Variants in PIP5K1B observed in about 807,000 individuals in gnomAD.
The protein encoded by PIP5K1B is phosphatidylinositol 4-phosphate 5-kinase type-1 beta.
Under a neutral mutation model 67.0 loss-of-function variants are expected in PIP5K1B, and 42 were observed. That is an observed-to-expected ratio of 0.63 (90% CI 0.49 to 0.81). The LOEUF is 0.81. Among genes scored for constraint, PIP5K1B ranks in the 30% least tolerant of loss-of-function variants. The pLI is 0.00. For synonymous variants in PIP5K1B, 214 were observed against 231.4 expected (o/e 0.92, Z 0.68); for missense variants, 459 against 646.3 (o/e 0.71, Z 3.14).
chr9:68,753,515 C>CTTTTTTTTTTTTTTT lies in PIP5K1B; in HGVS notation c.-86+10871_-86+10885dup, dbSNP rs71500334. On this transcript the variant is annotated intron_variant, in intron 2 of 15. Transcript: ENST00000265382. ...CCACCATGCCCGGCTAATTTTGTTT[C>CTTTTTTTTTTTTTTT]TTTTTTTTTTTTTTTTTTTTTTTTT... Among the ~76,000 whole-genome samples, 3 of 38,282 alleles carry CTTTTTTTTTTTTTTT rather than the reference C, an allele frequency of 7.8e-5. 1 individual carries two copies. Among genetic ancestry groups the CTTTTTTTTTTTTTTT allele is most frequent in the African/African-American group, 1.2e-4 (1 of 8,548 alleles). 25.1% of individuals were successfully genotyped at this position (38,282 alleles called of 152,430 possible).
At chr9:68,937,645 A>G (rs77690019) in intron 13 of PIP5K1B, among the ~76,000 whole-genome samples, 9 of 152,178 alleles carry the variant, frequency 5.9e-5, no homozygotes, top group African/African-American at 2.2e-4. Context: ...GTCTTCCGCT[A>G]GATTTTGAAT....
chr9:68,993,221 G>T (rs886430334), intron 15 of PIP5K1B, among the ~76,000 whole-genome samples: 2 of 151,068 alleles, frequency 1.3e-5, no homozygotes, highest in Non-Finnish European at 2.9e-5. Context: ...TCTCCGACCT[G>T]CCCCCTCCCT....
intron 6 of PIP5K1B, among the ~76,000 whole-genome samples, chr9:68,882,998 G>T (rs1824276350): frequency 6.6e-6 from 1 of 152,170 alleles, no homozygotes; most frequent in South Asian, 2.1e-4. Flanking sequence ...TAGGCCGTGT[G>T]CTTCTCTCAC....
chr9:68,780,956 C>T, intron 2 of PIP5K1B: 1 of 1,614,196 alleles, frequency 6.2e-7, no homozygotes, highest in South Asian at 1.1e-5. Context: ...TCAGCACTAC[C>T]ACCGACTCTC....
chr9:68,918,317 T>C (rs912560421), intron 9 of PIP5K1B, among the ~76,000 whole-genome samples: 1 of 152,188 alleles, frequency 6.6e-6, no homozygotes, highest in Non-Finnish European at 1.5e-5. Context: ...CTCAAACTCC[T>C]GGCCTCATGT....
chr9:68,769,526 A>G (rs1285141365), intron 2 of PIP5K1B, among the ~76,000 whole-genome samples: 1 of 152,232 alleles, frequency 6.6e-6, no homozygotes, highest in African/African-American at 2.4e-5. Context: ...CTGAAAGTAT[A>G]ACTAGCTATT....
At chr9:68,765,617 T>C (rs1407041308) in intron 2 of PIP5K1B, among the ~76,000 whole-genome samples, 1 of 152,148 alleles carries the variant, frequency 6.6e-6, no homozygotes, top group African/African-American at 2.4e-5. Flanking sequence ...ATTATGGCTA[T>C]TTTGTGTTTA....
chr9:68,819,857 A>G (rs1169065280), intron 3 of PIP5K1B, among the ~76,000 whole-genome samples: 1 of 152,184 alleles, frequency 6.6e-6, no homozygotes, highest in African/African-American at 2.4e-5. Context: ...TTGAATCCAG[A>G]TGATAGTTCA....
intron 14 of PIP5K1B, among the ~76,000 whole-genome samples, chr9:68,942,884 T>C (rs149015268): frequency 3.0e-4 from 45 of 152,304 alleles, no homozygotes; most frequent in African/African-American, 1.1e-3. Context: ...GAAAGGAATT[T>C]AATCTAGGGA....
At chr9:68,894,753 T>A in intron 8 of PIP5K1B, 115 bp downstream of exon 8, 1 of 949,118 alleles carries the variant, frequency 1.1e-6, no homozygotes. Context: ...ACATGTGGAA[T>A]CCTATCTTTC....
chr9:69,004,338 TGTGTG>T (rs1340604227), intron 15 of PIP5K1B, among the ~76,000 whole-genome samples: 3 of 31,036 alleles, frequency 9.7e-5, no homozygotes, highest in Non-Finnish European at 1.8e-4. Context: ...TGTGTGTTTT[TGTGTG>T]TGTGTGTGTG....
chr9:68,897,200 G>T (rs1183206131), intron 8 of PIP5K1B, among the ~76,000 whole-genome samples: 1 of 152,166 alleles, frequency 6.6e-6, no homozygotes, highest in South Asian at 2.1e-4. Flanking sequence ...AGACAGTATG[G>T]CTAAGGCTCT....
intron 2 of PIP5K1B, among the ~76,000 whole-genome samples, chr9:68,765,167 G>A (rs72717918): frequency 0.012 from 1,755 of 152,010 alleles, 16 homozygotes; most frequent in Non-Finnish European, 0.018. Context: ...TTCATAATGG[G>A]TGCTTATTTA....
intron 4 of PIP5K1B, among the ~76,000 whole-genome samples, chr9:68,835,951 A>G (rs1261132765): frequency 2.0e-5 from 3 of 152,086 alleles, no homozygotes; most frequent in Admixed American, 6.6e-5. Flanking sequence ...TTGGGCTTCA[A>G]GAACCCTTTT....
At chr9:68,791,554 T>C (rs901413357) in intron 2 of PIP5K1B, among the ~76,000 whole-genome samples, 1 of 152,214 alleles carries the variant, frequency 6.6e-6, no homozygotes, top group Non-Finnish European at 1.5e-5. Flanking sequence ...CTCTTTCCCT[T>C]GATGCTCTCT....
intron 14 of PIP5K1B, among the ~76,000 whole-genome samples, chr9:68,955,606 C>T (rs1047556615): frequency 6.6e-6 from 1 of 152,214 alleles, no homozygotes; most frequent in African/African-American, 2.4e-5. Flanking sequence ...GAATACACAG[C>T]TCTCAGATGT....
Position 68,705,598 on chromosome 9 carries a change from G to GGCCCCGCCCGCCGCCCCCTCCGCCCTCCC in PIP5K1B, c.-401_-373dup, listed in dbSNP as rs1452090749. 2 of 25,610 alleles carry GGCCCCGCCCGCCGCCCCCTCCGCCCTCCC rather than the reference G, an allele frequency of 7.8e-5. No homozygotes were observed. Among genetic ancestry groups the GGCCCCGCCCGCCGCCCCCTCCGCCCTCCC allele is most frequent in the Non-Finnish European group, 1.6e-4 (2 of 12,796 alleles). The allele number at this position is 25,610 out of a possible 1,614,324, so 1.6% of individuals were successfully genotyped here. ...CGCCCTCAGCGTTGCCCCCGGCCCC[G>GGCCCCGCCCGCCGCCCCCTCCGCCCTCCC]GCCCCGCCCGCCGCCCCCTCCGCCC... On this transcript the variant is annotated 5_prime_UTR_variant, in exon 1 of 16. Transcript: ENST00000265382.
At chr9:68,747,969 C>T (rs1289203603) in intron 2 of PIP5K1B, among the ~76,000 whole-genome samples, 1 of 152,150 alleles carries the variant, frequency 6.6e-6, no homozygotes, top group South Asian at 2.1e-4. Context: ...GAGGTGAACA[C>T]TACCTCTATC....
intron 2 of PIP5K1B, among the ~76,000 whole-genome samples, chr9:68,790,120 A>G (rs1026901793): frequency 1.3e-5 from 2 of 152,154 alleles, no homozygotes; most frequent in Non-Finnish European, 2.9e-5. Context: ...GCATTTTTTT[A>G]AAGGAAAAAT....
Sources: allele counts gnomAD v4.1 joint callset (sites outside exome capture counted in the v4.1 genomes callset), GRCh38; gene constraint gnomAD v4.1.1; transcripts MANE v1.5; gene names NCBI Gene and HGNC (gene_info 2026-07-23, HGNC 2026-07-21).